SLC24A2: variants seen among roughly 807,000 people sequenced by gnomAD.
SLC24A2 encodes the protein solute carrier family 24 member 2.
A neutral mutation model predicts 62.0 loss-of-function variants in SLC24A2; 36 were observed. That is an observed-to-expected ratio of 0.58 (90% CI 0.44 to 0.77). SLC24A2 has a LOEUF of 0.77. Among genes scored for constraint, SLC24A2 ranks in the 30% least tolerant of loss-of-function variants. The probability of loss-of-function intolerance (pLI) is 0.00; values close to 1 mark genes in which losing one functional copy is unlikely to be tolerated. For synonymous variants in SLC24A2, 358 were observed against 294.0 expected (o/e 1.22, Z -2.23); for missense variants, 846 against 817.9 (o/e 1.03, Z -0.42).
chr9:19,643,469 A>G (rs914714070), intron 2 of SLC24A2, among the ~76,000 whole-genome samples: 2 of 152,226 alleles, frequency 1.3e-5, no homozygotes, highest in Non-Finnish European at 2.9e-5. Flanking sequence ...CAGCAAATTG[A>G]GCATAGATCC....
the SLC24A2 span, among the ~76,000 whole-genome samples, chr9:19,939,809 G>A: frequency 1.3e-5 from 2 of 152,218 alleles, no homozygotes; most frequent in Non-Finnish European, 2.9e-5. Context: ...CTATAATGCT[G>A]TAGGTAGAAA....
At chr9:19,871,930 T>C in the SLC24A2 span, among the ~76,000 whole-genome samples, 8 of 152,302 alleles carry the variant, frequency 5.3e-5, no homozygotes, top group South Asian at 1.7e-3. Context: ...TTTAACAAAC[T>C]TGCAATTTTG....
the SLC24A2 span, among the ~76,000 whole-genome samples, chr9:19,918,779 C>T: frequency 1.3e-5 from 2 of 152,220 alleles, no homozygotes; most frequent in Admixed American, 1.3e-4. Context: ...AGAGAGTCCA[C>T]ATGACCAGCC....
chr9:19,786,477 T>C lies in SLC24A2; in HGVS notation c.390A>G (p.Arg130=). 6.2e-7 allele frequency: 1 copy of C among 1,614,166 alleles called. No individual in the cohort carries two copies. The highest frequency in any genetic ancestry group is 1.3e-5 in the African/African-American group (1 of 75,052). ...YPKDIFSLEE[R]RKGAIILHVI... ...CATGCAGAATGATCGCACCTTTTCTTCTCTCCTCAAGGGAAAAGATGTCTT... is the reference window on the plus strand; with the variant it reads ...CATGCAGAATGATCGCACCTTTTCTCCTCTCCTCAAGGGAAAAGATGTCTT... The change falls in exon 2 of 11, where the codon AGA becomes AGG. Residue 130 remains arginine, a synonymous_variant. Transcript: ENST00000341998. This position sits in a 1 kb window ranked among gnomAD's most constrained non-coding sequence, Gnocchi z 5.0.
chr9:20,166,166 A>G, the SLC24A2 span, among the ~76,000 whole-genome samples: 157 of 152,088 alleles, frequency 1.0e-3, 2 homozygotes, highest in African/African-American at 3.6e-3. Context: ...GCACACTCAC[A>G]TTGCTGGTAG....
At chr9:20,222,276 C>CA in the SLC24A2 span, among the ~76,000 whole-genome samples, 22 of 144,928 alleles carry the variant, frequency 1.5e-4, no homozygotes, top group African/African-American at 2.3e-4. Context: ...GAAAGGGAGT[C>CA]AAAAAAAAAT....
chr9:19,906,632 A>T, the SLC24A2 span, among the ~76,000 whole-genome samples: 7 of 152,230 alleles, frequency 4.6e-5, no homozygotes, highest in Non-Finnish European at 1.0e-4. Context: ...GCAATAAAAA[A>T]TGATAAAGGG....
chr9:19,884,685 T>C, the SLC24A2 span, among the ~76,000 whole-genome samples: 1 of 152,212 alleles, frequency 6.6e-6, no homozygotes, highest in Non-Finnish European at 1.5e-5. Flanking sequence ...ATGCATTTAG[T>C]AAAAACCATG....
At chr9:19,623,558 A>G (rs1287975785) in intron 2 of SLC24A2, among the ~76,000 whole-genome samples, 2 of 152,242 alleles carry the variant, frequency 1.3e-5, no homozygotes, top group Non-Finnish European at 2.9e-5. Flanking sequence ...ATTTCAAATT[A>G]TTTGCTATGT....
At chr9:19,850,392 T>G in the SLC24A2 span, among the ~76,000 whole-genome samples, 1 of 152,170 alleles carries the variant, frequency 6.6e-6, no homozygotes, top group Non-Finnish European at 1.5e-5. Flanking sequence ...AACAAACTTT[T>G]TAAATGTGCA....
chr9:19,743,132 CA>C (rs1197003191), intron 2 of SLC24A2, among the ~76,000 whole-genome samples: 1 of 152,078 alleles, frequency 6.6e-6, no homozygotes, highest in Non-Finnish European at 1.5e-5. Flanking sequence ...TACAAGACAA[CA>C]GCTTGTAAAA....
intron 2 of SLC24A2, among the ~76,000 whole-genome samples, chr9:19,717,887 T>C (rs962755786): frequency 2.0e-5 from 3 of 152,090 alleles, no homozygotes; most frequent in Non-Finnish European, 2.9e-5. Flanking sequence ...CTAAAAACTT[T>C]AGTTACAAGA....
intron 5 of SLC24A2, among the ~76,000 whole-genome samples, chr9:19,580,534 G>C (rs1319384225): frequency 1.3e-5 from 2 of 152,222 alleles, no homozygotes; most frequent in Non-Finnish European, 2.9e-5. Context: ...CAGAGAACCT[G>C]TGATTTTTGA....
intron 5 of SLC24A2, among the ~76,000 whole-genome samples, chr9:19,587,996 A>G (rs1018414263): frequency 5.9e-5 from 9 of 152,230 alleles, no homozygotes; most frequent in African/African-American, 2.2e-4. Context: ...GGCTTTACCC[A>G]CATAGCTGGT....
At chr9:19,935,601 C>A in the SLC24A2 span, among the ~76,000 whole-genome samples, 1 of 152,210 alleles carries the variant, frequency 6.6e-6, no homozygotes, top group Non-Finnish European at 1.5e-5. Context: ...TTGTGTGTGT[C>A]CTCAGGACGA....
At chr9:19,708,881 G>A (rs1255531212) in intron 2 of SLC24A2, among the ~76,000 whole-genome samples, 2 of 152,082 alleles carry the variant, frequency 1.3e-5, no homozygotes, top group African/African-American at 2.4e-5. Flanking sequence ...AAAAGCAATG[G>A]CAACAAAAGC....
chr9:19,830,998 G>A, the SLC24A2 span, among the ~76,000 whole-genome samples: 395 of 152,276 alleles, frequency 2.6e-3, 2 homozygotes, highest in African/African-American at 8.8e-3. Flanking sequence ...ATCCTCCAGA[G>A]GGGAGGAGCA....
At chr9:19,988,243 A>C in the SLC24A2 span, among the ~76,000 whole-genome samples, 2 of 152,090 alleles carry the variant, frequency 1.3e-5, no homozygotes, top group Non-Finnish European at 2.9e-5. Flanking sequence ...TCCCATTCCA[A>C]TTTAATTCCC....
the SLC24A2 span, among the ~76,000 whole-genome samples, chr9:20,210,660 T>G: frequency 1.3e-4 from 9 of 70,304 alleles, no homozygotes; most frequent in South Asian, 3.9e-4. Flanking sequence ...TTTTTTTTTT[T>G]TTTTTTTTTT....
Sources: gnomAD v4.1 joint callset for allele counts (sites outside exome capture counted in the v4.1 genomes callset) on GRCh38, gnomAD v4.1.1 for gene constraint, Gnocchi (gnomAD v3.1) non-coding constraint, MANE v1.5 for transcripts, NCBI Gene and HGNC (gene_info 2026-07-23, HGNC 2026-07-21) for gene names.